The following PDE4D variants were observed in gnomAD, a reference collection of about 807,000 sequenced individuals.
The protein encoded by PDE4D is 3',5'-cyclic-AMP phosphodiesterase 4D.
In PDE4D, 24 loss-of-function variants were observed where a neutral mutation model predicts 87.4. That is an observed-to-expected ratio of 0.27 (90% CI 0.20 to 0.39). The LOEUF (loss-of-function observed/expected upper bound fraction) is 0.39, where lower values mean the gene tolerates loss of function less well. Ranked by LOEUF, PDE4D falls within the 10% of genes least tolerant of loss-of-function variation. PDE4D has a pLI of 1.00. For missense variants in PDE4D, 714 were observed against 1,041.0 expected (o/e 0.69, Z 4.32); for synonymous variants, 384 against 383.2 (o/e 1.00, Z -0.02).
chr5:59,785,001 G>A (rs796991499), intron 1 of PDE4D, among the ~76,000 whole-genome samples: 15 of 152,260 alleles, frequency 9.9e-5, no homozygotes, highest in African/African-American at 3.6e-4. Flanking sequence ...ACGTGGAACT[G>A]TAAGTCCCTT....
At chr5:60,380,982 G>A (rs917183439) in intron 1 of PDE4D, among the ~76,000 whole-genome samples, 2 of 152,126 alleles carry the variant, frequency 1.3e-5, no homozygotes, top group Admixed American at 1.3e-4. Flanking sequence ...AATCTAGGTG[G>A]CTCAAGCCCT....
chr5:59,144,904 G>C (rs1241919476), intron 5 of PDE4D, among the ~76,000 whole-genome samples: 5 of 113,400 alleles, frequency 4.4e-5, no homozygotes, highest in Admixed American at 9.4e-5. Context: ...GGGGGGGGGG[G>C]GAACCATCCA....
At chr5:59,910,134 G>A (rs1289664136) in intron 3 of PDE4D, among the ~76,000 whole-genome samples, 1 of 152,020 alleles carries the variant, frequency 6.6e-6, no homozygotes, top group African/African-American at 2.4e-5. Flanking sequence ...TTATTCATAT[G>A]GCAGTTTATC....
intron 1 of PDE4D, among the ~76,000 whole-genome samples, chr5:59,254,777 T>A (rs1201992212): frequency 6.6e-6 from 1 of 152,142 alleles, no homozygotes; most frequent in African/African-American, 2.4e-5. Flanking sequence ...CACCTCTTCC[T>A]CAAAGCTAGC....
intron 1 of PDE4D, among the ~76,000 whole-genome samples, chr5:60,362,962 T>C (rs1000148786): frequency 5.3e-5 from 8 of 152,186 alleles, no homozygotes; most frequent in Admixed American, 3.3e-4. Context: ...TAAACAATTA[T>C]ATGAGTAACC....
chr5:60,469,719 A>G (rs944245846), intron 1 of PDE4D, among the ~76,000 whole-genome samples: 3 of 152,144 alleles, frequency 2.0e-5, no homozygotes, highest in African/African-American at 7.2e-5. Flanking sequence ...CTCAGATGCT[A>G]CTGTTGTAAT....
At position 59,821,209 on chromosome 5, in the gene PDE4D, A is replaced by C. The variant is rs138711424; in HGVS notation, c.455+71959T>G. 2.7e-3 allele frequency among the ~76,000 whole-genome samples: 403 copies of C among 151,972 alleles called. 4 individuals carry two copies. Among genetic ancestry groups the C allele is most frequent in the African/African-American group, 9.3e-3 (386 of 41,418 alleles). On this transcript the variant is annotated intron_variant, in intron 1 of 14. Transcript: ENST00000340635. ...GATCGTGCCACTGCACTCCAGCCTC[A>C]GTGACAGAGCAAGATTCTGTCTCAA...
Position 60,318,524 on chromosome 5 carries a change from A to C in PDE4D, c.-89-132837T>G, listed in dbSNP as rs976727212. Among the ~76,000 whole-genome samples the C allele has an allele frequency of 3.2e-4, 48 of 152,190 alleles. 1 individual carries two copies. The highest frequency in any genetic ancestry group is 8.8e-5 in the Non-Finnish European group (6 of 68,040). On this transcript the variant is annotated intron_variant, in intron 1 of 16. Coordinates refer to the PDE4D transcript ENST00000502484. The stretch of plus-strand genomic sequence containing the variant: ...TGTTATGTGTGAATTTGATCCTGTC[A>C]TTATGATGTTAGCTGGTGATTTTGC...
At chr5:59,955,272 T>C (rs138150711) in intron 3 of PDE4D, among the ~76,000 whole-genome samples, 118 of 152,314 alleles carry the variant, frequency 7.7e-4, no homozygotes, top group African/African-American at 2.7e-3. Flanking sequence ...CTATGTATAA[T>C]ACTAGTTGAT....
At chr5:59,928,866 C>A (rs1463405455) in intron 3 of PDE4D, among the ~76,000 whole-genome samples, 6 of 143,712 alleles carry the variant, frequency 4.2e-5, no homozygotes, top group Admixed American at 6.8e-5. Context: ...TCTATATATT[C>A]TATATACATA....
chr5:59,893,325 C>T lies in PDE4D; in HGVS notation c.298G>A (p.Ala100Thr), dbSNP rs1439301442. The T allele has an allele frequency of 2.0e-6, 3 of 1,515,192 alleles. No individual in the cohort carries two copies. Among genetic ancestry groups the T allele is most frequent in the African/African-American group, 1.4e-5 (1 of 70,796 alleles). The allele number at this position is 1,515,192 out of a possible 1,614,324, so 93.9% of individuals were successfully genotyped here. The part of the protein sequence containing the change: ...AARGRYASSG[A>T]TGRVRHRGYS... Reference sequence around the variant, plus strand: ...CCGCGATGCCGGACGCGGCCGGTGGCCCCGCTCGAGGCGTAGCGGCCGCGG... The same window carrying T: ...CCGCGATGCCGGACGCGGCCGGTGGTCCCGCTCGAGGCGTAGCGGCCGCGG... The change falls in exon 1 of 15, where the codon GCC becomes ACC. Residue 100 changes from alanine to threonine, a missense_variant. Coordinates refer to ENST00000340635, the MANE Select transcript of PDE4D (RefSeq NM_001104631.2).
chr5:59,745,310 C>T (rs547642386), intron 1 of PDE4D, among the ~76,000 whole-genome samples: 5 of 152,024 alleles, frequency 3.3e-5, no homozygotes, highest in Admixed American at 2.0e-4. Flanking sequence ...TAATTCTATG[C>T]TCCATGGAGC....
chr5:59,083,140 A>G (rs987584537), intron 5 of PDE4D, among the ~76,000 whole-genome samples: 7 of 152,094 alleles, frequency 4.6e-5, no homozygotes, highest in East Asian at 1.9e-4. Flanking sequence ...TTGACTATCA[A>G]TTTTGGGTTC....
intron 1 of PDE4D, among the ~76,000 whole-genome samples, chr5:60,244,613 T>C (rs1747504901): frequency 6.6e-6 from 1 of 151,842 alleles, no homozygotes; most frequent in South Asian, 2.1e-4. Flanking sequence ...CATAGACCAG[T>C]GGAATAGAAT....
In PDE4D at chr5:59,508,546, A is replaced by C. The variant is rs571021726; in HGVS notation, c.456-292578T>G. 1.5e-3 allele frequency among the ~76,000 whole-genome samples: 225 copies of C among 152,272 alleles called. 2 individuals carry two copies. Among genetic ancestry groups the C allele is most frequent in the African/African-American group, 5.1e-3 (213 of 41,586 alleles). On this transcript the variant is annotated intron_variant, in intron 1 of 14. Transcript: ENST00000340635. Reference sequence around the variant, plus strand: ...AGAGTATGAGCTCACATATGTAAAAAAATATAGAAAATGCATAAAAAAAAT... The same window carrying C: ...AGAGTATGAGCTCACATATGTAAAACAATATAGAAAATGCATAAAAAAAAT...
At chr5:60,017,254 A>G (rs1043578866) in intron 2 of PDE4D, among the ~76,000 whole-genome samples, 12 of 152,172 alleles carry the variant, frequency 7.9e-5, no homozygotes, top group African/African-American at 2.7e-4. Flanking sequence ...TTGTTGTTCC[A>G]TTTATAGAGC....
chr5:59,330,565 A>C (rs553232705), intron 1 of PDE4D, among the ~76,000 whole-genome samples: 1 of 152,206 alleles, frequency 6.6e-6, no homozygotes, highest in Non-Finnish European at 1.5e-5. Context: ...TCACCAAGCT[A>C]CCTTCCCCTG....
chr5:60,255,279 T>C (rs1748923935), intron 1 of PDE4D, among the ~76,000 whole-genome samples: 1 of 151,898 alleles, frequency 6.6e-6, no homozygotes, highest in Non-Finnish European at 1.5e-5. Context: ...ATGATCCCTT[T>C]GTTCTTGGGC....
chr5:60,315,704 T>C (rs187004272), intron 1 of PDE4D, among the ~76,000 whole-genome samples: 3 of 152,212 alleles, frequency 2.0e-5, no homozygotes, highest in Non-Finnish European at 2.9e-5. Flanking sequence ...TTTCTACATA[T>C]GGCTAGCCAG....
Sources: allele counts gnomAD v4.1 joint callset (sites outside exome capture counted in the v4.1 genomes callset), GRCh38; gene constraint gnomAD v4.1.1; transcripts MANE v1.5; gene names NCBI Gene and HGNC (gene_info 2026-07-23, HGNC 2026-07-21).